The following SNX6 variants were observed in gnomAD, a reference collection of about 807,000 sequenced individuals.
SNX6 encodes the protein sorting nexin 6.
Under a neutral mutation model 63.0 loss-of-function variants are expected in SNX6, and 34 were observed. The ratio of observed to expected loss-of-function variants is 0.54; its 90% CI spans 0.41 to 0.72. The LOEUF is 0.72. Ranked by LOEUF, SNX6 falls within the 30% of genes least tolerant of loss-of-function variation. The probability of loss-of-function intolerance (pLI) is 0.00; values close to 1 mark genes in which losing one functional copy is unlikely to be tolerated. For missense variants in SNX6, 398 were observed against 471.4 expected, an observed-to-expected ratio of 0.84 and a Z score of 1.44; for synonymous variants, 170 against 164.2, an observed-to-expected ratio of 1.04 and a Z score of -0.27.
At chr14:34,614,135 A>C (rs1883334670) in intron 2 of SNX6, among the ~76,000 whole-genome samples, 3 of 151,304 alleles carry the variant, frequency 2.0e-5, no homozygotes, top group Admixed American at 6.6e-5. Flanking sequence ...AAAACAAAAA[A>C]ACAGAATCTG....
intron 13 of SNX6, among the ~76,000 whole-genome samples, chr14:34,565,835 GC>G (rs1303131476): frequency 1.3e-5 from 2 of 152,092 alleles, no homozygotes; most frequent in Non-Finnish European, 2.9e-5. Context: ...GACCACAGGC[GC>G]CCGCCACCAT....
chr14:34,611,829 A>G (rs1185714152), intron 2 of SNX6, among the ~76,000 whole-genome samples: 1 of 145,766 alleles, frequency 6.9e-6, no homozygotes, highest in Non-Finnish European at 1.5e-5. Context: ...CCCAGACTGG[A>G]GTGCAGTGGC....
chr14:34,607,857 G>A (rs1473677355), intron 4 of SNX6, among the ~76,000 whole-genome samples, 173 bp downstream of exon 4: 3 of 152,062 alleles, frequency 2.0e-5, no homozygotes, highest in African/African-American at 7.2e-5. Flanking sequence ...GCAGTGAGCC[G>A]AGACTGCGTC....
In SNX6 at chr14:34,562,938, G is replaced by A. The variant is rs953261612; in HGVS notation, c.*184C>T. The A allele has an allele frequency of 1.4e-5, 9 of 620,978 alleles. No homozygotes were observed. In the South Asian group the frequency reaches 1.6e-4, roughly 11 times the overall value. 38.5% of individuals were successfully genotyped at this position (620,978 alleles called of 1,614,324 possible). ...CATGGGGAACACAGTGCGGCATCAC[G>A]GCACACAGACTGGCATCGCCTGGGC... On this transcript the variant is annotated 3_prime_UTR_variant, in exon 14 of 14. Transcript: ENST00000362031.
At chr14:34,613,015 C>T (rs1441224675) in intron 2 of SNX6, among the ~76,000 whole-genome samples, 2 of 145,672 alleles carry the variant, frequency 1.4e-5, no homozygotes, top group African/African-American at 5.0e-5. Context: ...CGCCACTGCA[C>T]TCCAGTGACA....
At position 34,589,169 on chromosome 14, in the gene SNX6, T is replaced by C. The variant is rs187975863; in HGVS notation, c.719-2864A>G. 2.0e-3 allele frequency among the ~76,000 whole-genome samples: 305 copies of C among 151,914 alleles called. 1 individual carries two copies. Among genetic ancestry groups the C allele is most frequent in the Admixed American group, 3.4e-3 (51 of 15,220 alleles). On this transcript the variant is annotated intron_variant, in intron 8 of 13. Transcript: ENST00000362031. ...AAAAGGAAAAAGAAAATATAAAGAT[T>C]CTAGGGCTGAGGGCGGTGGCTCACG...
At chr14:34,587,008 C>CAA (rs71121211) in intron 8 of SNX6, among the ~76,000 whole-genome samples, 1,131 of 49,500 alleles carry the variant, frequency 0.023, no homozygotes, top group Middle Eastern at 0.067. Flanking sequence ...GACTCTGTCT[C>CAA]AAAAAAAAAA....
chr14:34,567,762 T>G lies in SNX6; in HGVS notation c.1091A>C (p.Asp364Ala). The G allele has an allele frequency of 6.2e-7, 1 of 1,613,558 alleles. No homozygotes were observed. Among genetic ancestry groups the G allele is most frequent in the Non-Finnish European group, 8.5e-7 (1 of 1,179,554 alleles). The change falls in exon 13 of 14, where the codon GAT becomes GCT. Residue 364 changes from aspartate (D) to alanine (A), a missense_variant. By Grantham distance (126) the Asp-to-Ala change is moderately radical. Transcript: ENST00000362031. ...TGCAGCAACTCTTCTTGTCTTAAAA[T>G]CTATAAGTTCTGTGAAAAAGAAATT... ...ISESAKQELIDFKTRRVAAFR... is the reference protein window; with the variant it reads ...ISESAKQELIAFKTRRVAAFR...
At chr14:34,597,243 C>A (rs1882640468) in intron 7 of SNX6, among the ~76,000 whole-genome samples, 1 of 152,178 alleles carries the variant, frequency 6.6e-6, no homozygotes, top group Non-Finnish European at 1.5e-5. Flanking sequence ...CATATAGGAA[C>A]TGCAAGGCTT....
chr14:34,575,897 T>G, intron 10 of SNX6, 55 bp from the exon 11 acceptor site: 1 of 1,025,104 alleles, frequency 9.8e-7, no homozygotes, highest in Admixed American at 2.4e-5. Flanking sequence ...CTCCTCTCAG[T>G]GGTTTCCTTC....
chr14:34,576,116 G>A (rs1881688773), intron 10 of SNX6, among the ~76,000 whole-genome samples: 1 of 151,430 alleles, frequency 6.6e-6, no homozygotes, highest in Admixed American at 6.6e-5. Flanking sequence ...TAGTAGAGAC[G>A]GGGTTTCACC....
intron 9 of SNX6, among the ~76,000 whole-genome samples, chr14:34,585,357 T>C (rs1217271553): frequency 6.6e-6 from 1 of 151,800 alleles, no homozygotes; most frequent in Non-Finnish European, 1.5e-5. Flanking sequence ...CCATCTCTAC[T>C]AAAAATACAA....
At chr14:34,592,436 C>T (rs567411267) in intron 8 of SNX6, among the ~76,000 whole-genome samples, 59 of 152,230 alleles carry the variant, frequency 3.9e-4, no homozygotes, top group African/African-American at 1.3e-3. Flanking sequence ...AGAGACTACT[C>T]GTCCAGTTTG....
intron 2 of SNX6, among the ~76,000 whole-genome samples, chr14:34,610,369 A>C (rs1263172880): frequency 6.6e-6 from 1 of 150,624 alleles, no homozygotes; most frequent in Non-Finnish European, 1.5e-5. Context: ...AAAAAAAAAA[A>C]AAAACTTCTT....
intron 8 of SNX6, among the ~76,000 whole-genome samples, chr14:34,587,643 T>C (rs1038880736): frequency 2.0e-5 from 3 of 151,354 alleles, no homozygotes; most frequent in Admixed American, 6.6e-5. Flanking sequence ...CAAAATTTAT[T>C]TATTTGGAGA....
intron 13 of SNX6, among the ~76,000 whole-genome samples, chr14:34,563,751 T>C (rs1201965672): frequency 6.6e-6 from 1 of 152,100 alleles, no homozygotes; most frequent in East Asian, 1.9e-4. Flanking sequence ...TTCTTTTTTT[T>C]TTTCTGAGAT....
At chr14:34,610,202 A>G (rs77113594) in intron 2 of SNX6, among the ~76,000 whole-genome samples, 3,130 of 151,234 alleles carry the variant, frequency 0.021, 61 homozygotes, top group South Asian at 0.036. Context: ...AAAAAAAAAG[A>G]AAAGAAAATA....
chr14:34,587,797 A>G (rs76136905), intron 8 of SNX6, among the ~76,000 whole-genome samples: 1 of 121,626 alleles, frequency 8.2e-6, no homozygotes, highest in African/African-American at 3.1e-5. Flanking sequence ...ACGGTTGGCT[A>G]ATTTTTTTTT....
intron 7 of SNX6, among the ~76,000 whole-genome samples, chr14:34,597,063 C>T (rs1882633681): frequency 6.6e-6 from 1 of 152,218 alleles, no homozygotes; most frequent in Non-Finnish European, 1.5e-5. Flanking sequence ...GAAGCAGTAC[C>T]TCTTGGTAAA....
Sources: gnomAD v4.1 joint callset for allele counts (sites outside exome capture counted in the v4.1 genomes callset) on GRCh38, gnomAD v4.1.1 for gene constraint, MANE v1.5 for transcripts, NCBI Gene and HGNC (gene_info 2026-07-23, HGNC 2026-07-21) for gene names.